PDE3A: variants seen among roughly 807,000 people sequenced by gnomAD.
PDE3A encodes the protein phosphodiesterase 3A.
A neutral mutation model predicts 98.3 loss-of-function variants in PDE3A; 43 were observed. That is an observed-to-expected ratio of 0.44 (90% CI 0.34 to 0.56). PDE3A has a LOEUF of 0.56. Ranked by LOEUF, PDE3A falls within the 20% of genes least tolerant of loss-of-function variation. PDE3A has a pLI of 0.01. For missense variants in PDE3A, 1,427 were observed against 1,440.7 expected (o/e 0.99, Z 0.15); for synonymous variants, 663 against 567.9 (o/e 1.17, Z -2.38).
At position 20,531,579 on chromosome 12, in the gene PDE3A, T is replaced by C. The variant is rs113376007; in HGVS notation, c.961-25081T>C. 1.9e-4 allele frequency among the ~76,000 whole-genome samples: 29 copies of C among 152,252 alleles called. 1 individual carries two copies. The highest frequency in any genetic ancestry group is 7.0e-4 in the African/African-American group (29 of 41,548). ...TAAGACAGTAGTAGCCTATCCTGTC[T>C]TATACGTTTCTGTGAAGCCCAGAGA... On this transcript the variant is annotated intron_variant, in intron 1 of 15. Coordinates refer to ENST00000359062, the MANE Select transcript of PDE3A (RefSeq NM_000921.5).
At chr12:20,480,101 C>T (rs1342667424) in intron 1 of PDE3A, among the ~76,000 whole-genome samples, 1 of 152,178 alleles carries the variant, frequency 6.6e-6, no homozygotes, top group Non-Finnish European at 1.5e-5. Context: ...GCTGCTGCTA[C>T]CTGGCCTCAT....
rs1016060568 is a variant in PDE3A, at chr12:20,369,020, G to A, written c.-265G>A. On this transcript the variant is annotated 5_prime_UTR_variant, in exon 1 of 16. Transcript: ENST00000359062. Reference sequence around the variant, plus strand: ...AAGAGAGAAAAGGGGAATCCTGATCGTTTCTGCCCGTGCTTGTTTTCAACT... The same window carrying A: ...AAGAGAGAAAAGGGGAATCCTGATCATTTCTGCCCGTGCTTGTTTTCAACT... 6.6e-6 allele frequency among the ~76,000 whole-genome samples: 1 copy of A among 152,196 alleles called. No homozygotes were observed. Among genetic ancestry groups the A allele is most frequent in the Non-Finnish European group, 1.5e-5 (1 of 68,038 alleles).
chr12:20,602,647 G>A (rs193248160), intron 2 of PDE3A, among the ~76,000 whole-genome samples: 2 of 152,276 alleles, frequency 1.3e-5, no homozygotes, highest in East Asian at 1.9e-4. Flanking sequence ...ATGTTGGGAA[G>A]CAGTTTGATG....
intron 1 of PDE3A, among the ~76,000 whole-genome samples, chr12:20,534,086 C>A (rs1431544125): frequency 6.6e-6 from 1 of 152,170 alleles, no homozygotes; most frequent in Non-Finnish European, 1.5e-5. Flanking sequence ...GTAAAACCCT[C>A]TTCAACCTTC....
chr12:20,375,923 G>T (rs1041053289), intron 1 of PDE3A, among the ~76,000 whole-genome samples: 1 of 151,886 alleles, frequency 6.6e-6, no homozygotes, highest in African/African-American at 2.4e-5. Flanking sequence ...GGAGCAAAAA[G>T]TCTTAGTGTC....
At chr12:20,536,845 T>G (rs10743377) in intron 1 of PDE3A, among the ~76,000 whole-genome samples, 150,977 of 152,176 alleles carry the variant, frequency 0.99, 74,911 homozygotes, top group Middle Eastern at 1. Flanking sequence ...ATGCTGCTAT[T>G]AACATTTGTG....
intron 15 of PDE3A, among the ~76,000 whole-genome samples, chr12:20,670,636 T>G (rs1945450661): frequency 1.3e-5 from 2 of 150,610 alleles, no homozygotes; most frequent in South Asian, 4.2e-4. Flanking sequence ...AATAAAGATG[T>G]TCTTTGAAAC....
Position 20,518,558 on chromosome 12 carries a change from T to A in PDE3A, c.961-38102T>A, listed in dbSNP as rs564316380. Among the ~76,000 whole-genome samples the A allele has an allele frequency of 3.3e-4, 15 of 45,316 alleles. No individual in the cohort carries two copies. In the East Asian group the frequency reaches 0.01, roughly 32 times the overall value. 29.7% of individuals were successfully genotyped at this position (45,316 alleles called of 152,430 possible). A position where few individuals can be genotyped will look rare whatever the true frequency, so the allele number is the denominator to read the frequency against. The stretch of plus-strand genomic sequence containing the variant: ...TGCTTTTTAAAATTATGTAAACTAT[T>A]CTGTCATTAAAAAAAAAGCCTTCCT... On this transcript the variant is annotated intron_variant, in intron 1 of 15. Coordinates refer to ENST00000359062, the MANE Select transcript of PDE3A (RefSeq NM_000921.5).
intron 2 of PDE3A, among the ~76,000 whole-genome samples, chr12:20,607,082 G>A (rs1262974980): frequency 4.6e-5 from 7 of 151,930 alleles, no homozygotes; most frequent in Non-Finnish European, 8.8e-5. Flanking sequence ...GATTAGGTAG[G>A]ACATCCTGGA....
In PDE3A at chr12:20,648,690, G is replaced by A. The variant is rs79204780; in HGVS notation, c.2568G>A (p.Ala856=). The change falls in exon 13 of 16, where the codon GCG becomes GCA. Residue 856 remains alanine, a splice_region_variant and synonymous_variant. Coordinates refer to ENST00000359062, the MANE Select transcript of PDE3A (RefSeq NM_000921.5). ...TCTTAACTGTCTTATTTGCCTAGGC[G>A]GTGCTATATAACGATCGTTCAGTTT... ...AFLVATSAPQ[A]VLYNDRSVLE... 1.9e-6 allele frequency: 3 copies of A among 1,596,350 alleles called. No homozygotes were observed. Among genetic ancestry groups the A allele is most frequent in the East Asian group, 2.2e-5 (1 of 44,746 alleles).
chr12:20,677,906 G>A (rs1945682501), intron 15 of PDE3A, among the ~76,000 whole-genome samples: 1 of 151,226 alleles, frequency 6.6e-6, no homozygotes, highest in African/African-American at 2.5e-5. Context: ...TCCTTCAGTG[G>A]CTTAGAGTGT....
chr12:20,618,680 A>G (rs1202770007), intron 4 of PDE3A, among the ~76,000 whole-genome samples: 1 of 152,076 alleles, frequency 6.6e-6, no homozygotes, highest in Admixed American at 6.6e-5. Flanking sequence ...GAACTATGAC[A>G]TAATTGGAGG....
chr12:20,419,384 C>T (rs1464955516), intron 1 of PDE3A, among the ~76,000 whole-genome samples: 1 of 152,082 alleles, frequency 6.6e-6, no homozygotes, highest in Non-Finnish European at 1.5e-5. Context: ...GCTTGAACTC[C>T]TAGGTTCAAG....
At chr12:20,465,954 T>C (rs764168243) in intron 1 of PDE3A, among the ~76,000 whole-genome samples, 25 of 152,122 alleles carry the variant, frequency 1.6e-4, no homozygotes, top group Non-Finnish European at 3.5e-4. Context: ...TTTGGATCAA[T>C]AAGAAACCAC....
At chr12:20,431,281 A>G (rs1046902256) in intron 1 of PDE3A, among the ~76,000 whole-genome samples, 5 of 152,182 alleles carry the variant, frequency 3.3e-5, no homozygotes, top group Non-Finnish European at 7.3e-5. Flanking sequence ...TAATTTCTGA[A>G]AAGTTTCTCC....
At chr12:20,371,274 TA>T in intron 1 of PDE3A, 2 of 773,996 alleles carry the variant, frequency 2.6e-6, no homozygotes, top group Non-Finnish European at 3.1e-6. Flanking sequence ...ATACGGTGTC[TA>T]AAAAAGCATA....
Position 20,680,216 on chromosome 12 carries a change from A to T in PDE3A, c.3371A>T (p.Glu1124Val). 6.2e-7 allele frequency: 1 copy of T among 1,613,994 alleles called. No homozygotes were observed. The highest frequency in any genetic ancestry group is 8.5e-7 in the Non-Finnish European group (1 of 1,179,918). ...ATCCAGGCTATCAAGGAAGAAGAAG[A>T]AGAGAAAGGGAAACCAAGAGGCGAG... ...EQIQAIKEEEEEKGKPRGEEI... is the reference protein window; with the variant it reads ...EQIQAIKEEEVEKGKPRGEEI... The change falls in exon 16 of 16, where the codon GAA becomes GTA. Residue 1124 changes from glutamate to valine, a missense_variant. Physicochemically the swap from Glu to Val is moderately radical, Grantham distance 121. Transcript: ENST00000359062.
At chr12:20,448,366 G>A (rs1056429516) in intron 1 of PDE3A, among the ~76,000 whole-genome samples, 5 of 152,236 alleles carry the variant, frequency 3.3e-5, no homozygotes, top group South Asian at 2.1e-4. Flanking sequence ...GATTGAACCC[G>A]GGAGGCGGCA....
intron 1 of PDE3A, among the ~76,000 whole-genome samples, chr12:20,417,096 T>C (rs922592566): frequency 3.3e-5 from 5 of 152,204 alleles, no homozygotes; most frequent in Admixed American, 6.5e-5. Flanking sequence ...CTAGAATTCA[T>C]GCTATAATGT....
Sources: allele counts gnomAD v4.1 joint callset (sites outside exome capture counted in the v4.1 genomes callset), GRCh38; gene constraint gnomAD v4.1.1; transcripts MANE v1.5; gene names NCBI Gene and HGNC (gene_info 2026-07-23, HGNC 2026-07-21).